REG4: variants seen among roughly 807,000 people sequenced by gnomAD.
REG4 encodes the protein regenerating islet-derived protein 4.
REG4 carries 16 observed loss-of-function variants against 22.3 expected under a neutral mutation model. That is an observed-to-expected ratio of 0.72 (90% CI 0.49 to 1.09). The LOEUF (loss-of-function observed/expected upper bound fraction) is 1.09, where lower values mean the gene tolerates loss of function less well. Among genes scored for constraint, REG4 ranks in the 50% least tolerant of loss-of-function variants. The probability of loss-of-function intolerance (pLI) is 0.00; values close to 1 mark genes in which losing one functional copy is unlikely to be tolerated. For missense variants in REG4, 214 were observed against 193.9 expected, an observed-to-expected ratio of 1.10 and a Z score of -0.61; for synonymous variants, 71 against 69.2, an observed-to-expected ratio of 1.03 and a Z score of -0.13.
chr1:119,802,614 A>AAAGTTTCC, intron 3 of REG4: 1 of 1,313,420 alleles, frequency 7.6e-7, no homozygotes, highest in South Asian at 2.4e-5. Context: ...GAGCAGCGGA[A>AAAGTTTCC]AAGTTTCCAC....
chr1:119,803,417 A>G (rs587739446), intron 2 of REG4, among the ~76,000 whole-genome samples: 1 of 152,288 alleles, frequency 6.6e-6, no homozygotes, highest in African/African-American at 2.4e-5. Flanking sequence ...AATTCCAAGA[A>G]AACGTCACTG....
At chr1:119,799,680 G>A (rs963180830) in intron 4 of REG4, 45 bp downstream of exon 4, 11 of 1,598,232 alleles carry the variant, frequency 6.9e-6, no homozygotes, top group Non-Finnish European at 9.4e-6. Flanking sequence ...GAGGATGCCA[G>A]CCTGGCTTTC....
At chr1:119,794,941 T>C (rs1298906980) in intron 5 of REG4, among the ~76,000 whole-genome samples, 1 of 152,186 alleles carries the variant, frequency 6.6e-6, no homozygotes, top group Non-Finnish European at 1.5e-5. Flanking sequence ...CTCCAATCAA[T>C]TGAAGGCCTT....
chr1:119,799,981 C>T (rs1372886755), intron 3 of REG4, 119 bp from the exon 4 acceptor site: 14 of 1,306,628 alleles, frequency 1.1e-5, no homozygotes, highest in Non-Finnish European at 1.4e-5. Flanking sequence ...CTCCACACAT[C>T]GTGCTCTAAG....
chr1:119,802,379 G>C, intron 3 of REG4: 1 of 987,042 alleles, frequency 1.0e-6, no homozygotes, highest in Non-Finnish European at 1.2e-6. Context: ...TTTTTTGTTT[G>C]TTTGTTTTGT....
chr1:119,796,363 A>G lies in REG4; in HGVS notation c.410-1678T>C, dbSNP rs587605536. ...GTGGACCAGCAAAACATCAGGAAAC[A>G]TTGCAAGCTGCAATTTTCCAGAGTC... On this transcript the variant is annotated intron_variant, in intron 5 of 5. Coordinates refer to ENST00000256585, the MANE Select transcript of REG4 (RefSeq NM_032044.4). 7.2e-5 allele frequency among the ~76,000 whole-genome samples: 11 copies of G among 152,322 alleles called. No individual in the cohort carries two copies. The East Asian group carries it at 1.9e-3, about 27-fold the overall frequency.
rs78248699 is a variant in REG4, at chr1:119,806,519, G to A, written c.67+2184C>T. On this transcript the variant is annotated intron_variant, in intron 2 of 5. Transcript: ENST00000256585. ...AATCCTACATGGGTCAAGCACATTC[G>A]TTGAGATTATTTTGTTTAATTACCA... 2.6e-3 allele frequency among the ~76,000 whole-genome samples: 391 copies of A among 152,296 alleles called. 2 individuals are homozygous for A. Among genetic ancestry groups the A allele is most frequent in the Non-Finnish European group, 4.4e-3 (297 of 68,022 alleles).
chr1:119,798,842 T>A (rs1387880248), intron 4 of REG4, among the ~76,000 whole-genome samples: 1 of 152,200 alleles, frequency 6.6e-6, no homozygotes, highest in Non-Finnish European at 1.5e-5. Context: ...ATGACAGGGT[T>A]CTGATTGATA....
chr1:119,802,264 G>T, intron 3 of REG4: 1 of 882,642 alleles, frequency 1.1e-6, no homozygotes, highest in Non-Finnish European at 1.4e-6. Context: ...GTATGGAAAT[G>T]TTCTGTTTAA....
chr1:119,794,381 A>C lies in REG4; in HGVS notation c.*237T>G. The C allele has an allele frequency of 1.6e-6, 1 of 612,044 alleles. No homozygotes were observed. Among genetic ancestry groups the C allele is most frequent in the South Asian group, 1.9e-5 (1 of 53,770 alleles). 37.9% of individuals were successfully genotyped at this position (612,044 alleles called of 1,614,324 possible). ...TGCTCGAGACAGCCAGAGACAGGGG[A>C]GGAGGGAAGAAGGATACTGTGGAAA... is the stretch of plus-strand genomic sequence containing the variant. On this transcript the variant is annotated 3_prime_UTR_variant, in exon 6 of 6. Coordinates refer to ENST00000256585, the MANE Select transcript of REG4 (RefSeq NM_032044.4).
At position 119,794,479 on chromosome 1, in the gene REG4, A is replaced by G. The variant is rs926200355; in HGVS notation, c.*139T>C. The G allele has an allele frequency of 1.3e-5, 10 of 785,818 alleles. No individual in the cohort carries two copies. The highest frequency in any genetic ancestry group is 2.2e-5 in the Non-Finnish European group (10 of 456,064). 48.7% of individuals were successfully genotyped at this position (785,818 alleles called of 1,614,324 possible). On this transcript the variant is annotated 3_prime_UTR_variant, in exon 6 of 6. Coordinates refer to ENST00000256585, the MANE Select transcript of REG4 (RefSeq NM_032044.4). Reference sequence around the variant, plus strand: ...TGCTAAAGTTTCTGTCTCTAAGCCTAAAAAAGCCAGTGTAGTAGGGCCCTT... The same window carrying G: ...TGCTAAAGTTTCTGTCTCTAAGCCTGAAAAAGCCAGTGTAGTAGGGCCCTT...
At chr1:119,803,492 C>T (rs868000460) in intron 2 of REG4, among the ~76,000 whole-genome samples, 17 of 152,186 alleles carry the variant, frequency 1.1e-4, no homozygotes, top group African/African-American at 3.9e-4. Context: ...GCTTGATCTG[C>T]CTCACAGTGG....
chr1:119,803,166 C>T lies in REG4; in HGVS notation c.68-1G>A. The T allele has an allele frequency of 6.6e-7, 1 of 1,513,630 alleles. No homozygotes were observed. The highest frequency in any genetic ancestry group is 8.8e-7 in the Non-Finnish European group (1 of 1,132,166). The allele number at this position is 1,513,630 out of a possible 1,614,324, so 93.8% of individuals were successfully genotyped here. A position where few individuals can be genotyped will look rare whatever the true frequency, so the allele number is the denominator to read the frequency against. ...GCACAGCTGGGTCTCATGATGATAT[C>T]TGCACATAAACAAAAGGCAATTGCA... On this transcript the variant is annotated splice_acceptor_variant, in intron 2 of 5. Coordinates refer to ENST00000256585, the MANE Select transcript of REG4 (RefSeq NM_032044.4). LOFTEE classifies it high-confidence loss of function.
intron 3 of REG4, among the ~76,000 whole-genome samples, 175 bp from the exon 4 acceptor site, chr1:119,800,037 G>A (rs1273261016): frequency 1.3e-5 from 2 of 152,202 alleles, no homozygotes; most frequent in Non-Finnish European, 2.9e-5. Context: ...CACAACTGCT[G>A]CAGCGTTCGG....
intron 2 of REG4, among the ~76,000 whole-genome samples, chr1:119,805,908 G>C (rs1654299493): frequency 6.6e-6 from 1 of 152,034 alleles, no homozygotes; most frequent in African/African-American, 2.4e-5. Flanking sequence ...TTAGCTCCTA[G>C]ATATGCAACC....
chr1:119,796,729 A>G (rs1240057493), intron 5 of REG4, among the ~76,000 whole-genome samples: 2 of 152,166 alleles, frequency 1.3e-5, no homozygotes, highest in African/African-American at 4.8e-5. Flanking sequence ...GAGCTGGGTA[A>G]GTAACCATGG....
chr1:119,795,949 A>G (rs147043167), intron 5 of REG4, among the ~76,000 whole-genome samples: 62 of 152,298 alleles, frequency 4.1e-4, no homozygotes, highest in African/African-American at 1.4e-3. Flanking sequence ...AGCTTCAAAC[A>G]ATCAAGCACA....
intron 2 of REG4, among the ~76,000 whole-genome samples, chr1:119,805,399 G>A (rs1654272084): frequency 6.6e-6 from 1 of 152,096 alleles, no homozygotes; most frequent in Non-Finnish European, 1.5e-5. Context: ...ATCACACCTG[G>A]TGCTCCTGGT....
chr1:119,804,624 T>C (rs1654234894), intron 2 of REG4, among the ~76,000 whole-genome samples: 1 of 152,236 alleles, frequency 6.6e-6, no homozygotes, highest in Admixed American at 6.5e-5. Context: ...AACATGAACA[T>C]AATTTTATGA....
Sources: allele counts gnomAD v4.1 joint callset (sites outside exome capture counted in the v4.1 genomes callset), GRCh38; gene constraint gnomAD v4.1.1; transcripts MANE v1.5; gene names NCBI Gene and HGNC (gene_info 2026-07-23, HGNC 2026-07-21).